Variants in CNTN3 observed in about 807,000 individuals in gnomAD.
CNTN3 encodes the protein contactin 3.
Under a neutral mutation model 119.1 loss-of-function variants are expected in CNTN3, and 60 were observed. The ratio of observed to expected loss-of-function variants is 0.50; its 90% confidence interval spans 0.41 to 0.62. The LOEUF is 0.62. Ranked by LOEUF, CNTN3 falls within the 20% of genes least tolerant of loss-of-function variation. CNTN3 has a pLI of 0.00. For synonymous variants in CNTN3, 450 were observed against 438.7 expected, an observed-to-expected ratio of 1.03 and a Z score of -0.32; for missense variants, 1,101 against 1,242.4, an observed-to-expected ratio of 0.89 and a Z score of 1.71.
At position 74,582,191 on chromosome 3, in the gene CNTN3, G is replaced by C. The variant is rs549342437; in HGVS notation, c.-81+32200C>G. Among the ~76,000 whole-genome samples, 219 of 152,254 alleles carry C rather than the reference G, an allele frequency of 1.4e-3. 2 individuals carry two copies. Among genetic ancestry groups the C allele is most frequent in the South Asian group, 2.3e-3 (11 of 4,820 alleles). The stretch of plus-strand genomic sequence containing the variant: ...GGAGGCAGAGGTGGATGGATCACAA[G>C]GTCAGGAGATGGGGAACATCCTGGC... On this transcript the variant is annotated intron_variant, in intron 1 of 22. Transcript: ENST00000263665.
chr3:74,581,755 T>C lies in CNTN3; in HGVS notation c.-81+32636A>G, dbSNP rs144274412. On this transcript the variant is annotated intron_variant, in intron 1 of 22. Transcript: ENST00000263665. ...AGACAGTGTAGAATTTGCATAAAGA[T>C]AGACAAATAGAGCAAGAAAAAAGAA... 3.1e-3 allele frequency among the ~76,000 whole-genome samples: 467 copies of C among 152,204 alleles called. 4 individuals are homozygous for C. Among genetic ancestry groups the C allele is most frequent in the African/African-American group, 0.011 (443 of 41,522 alleles).
At chr3:74,387,848 A>T (rs1266249716) in intron 5 of CNTN3, among the ~76,000 whole-genome samples, 1 of 152,228 alleles carries the variant, frequency 6.6e-6, no homozygotes, top group East Asian at 1.9e-4. Flanking sequence ...AAAGGTCTCC[A>T]TTCTACTTAA....
intron 2 of CNTN3, among the ~76,000 whole-genome samples, chr3:74,507,816 G>C (rs1703292388): frequency 6.6e-6 from 1 of 151,786 alleles, no homozygotes; most frequent in Non-Finnish European, 1.5e-5. Flanking sequence ...TATTTTAGTA[G>C]AGACTGGGTT....
At chr3:74,358,989 T>C (rs908154209) in intron 11 of CNTN3, among the ~76,000 whole-genome samples, 2 of 152,058 alleles carry the variant, frequency 1.3e-5, no homozygotes, top group Admixed American at 6.5e-5. Context: ...ATGTGCCACA[T>C]TTTCTTAATC....
At chr3:74,314,561 G>A (rs1702782778) in intron 13 of CNTN3, among the ~76,000 whole-genome samples, 1 of 152,140 alleles carries the variant, frequency 6.6e-6, no homozygotes, top group Non-Finnish European at 1.5e-5. Context: ...GGGCTAATGA[G>A]GGGCATTACA....
chr3:74,408,078 T>C (rs190588681), intron 5 of CNTN3, among the ~76,000 whole-genome samples: 7 of 152,294 alleles, frequency 4.6e-5, no homozygotes, highest in East Asian at 1.9e-4. Flanking sequence ...AGTCAGCTTA[T>C]AGCTCAGGGA....
chr3:74,302,165 G>A (rs1424345641), intron 14 of CNTN3, among the ~76,000 whole-genome samples: 1 of 151,984 alleles, frequency 6.6e-6, no homozygotes, highest in African/African-American at 2.4e-5. Context: ...TAATCCACTG[G>A]TGTATCTCTG....
chr3:74,308,465 T>C (rs1702608957), intron 13 of CNTN3, among the ~76,000 whole-genome samples: 1 of 152,204 alleles, frequency 6.6e-6, no homozygotes, highest in African/African-American at 2.4e-5. Flanking sequence ...GCTTGTTCCA[T>C]CATAAGTGTT....
At chr3:74,298,978 A>G (rs1702399749) in intron 17 of CNTN3, among the ~76,000 whole-genome samples, 1 of 151,976 alleles carries the variant, frequency 6.6e-6, no homozygotes, top group African/African-American at 2.4e-5. Context: ...AGGCCAAGGC[A>G]CCTCGATCAT....
At chr3:74,376,242 G>T (rs912230059) in intron 5 of CNTN3, among the ~76,000 whole-genome samples, 82 of 152,140 alleles carry the variant, frequency 5.4e-4, no homozygotes, top group African/African-American at 2.0e-3. Flanking sequence ...AAGCAGGGGT[G>T]CCCAATCCCC....
At chr3:74,319,252 C>G (rs2106665503) in intron 13 of CNTN3, among the ~76,000 whole-genome samples, 1 of 152,266 alleles carries the variant, frequency 6.6e-6, no homozygotes. Context: ...ATCACGCTAC[C>G]TGACTTCAAA....
chr3:74,452,658 C>T (rs79921183), intron 4 of CNTN3, among the ~76,000 whole-genome samples: 64,474 of 89,210 alleles, frequency 0.72, 24,650 homozygotes, highest in African/African-American at 0.81. Flanking sequence ...GGGTTTGTCA[C>T]AGATAGCTCT....
intron 11 of CNTN3, among the ~76,000 whole-genome samples, chr3:74,352,180 C>T (rs1703830906): frequency 6.6e-6 from 1 of 152,186 alleles, no homozygotes; most frequent in Admixed American, 6.5e-5. Context: ...AATAAATACC[C>T]AGTTTTGCTT....
intron 13 of CNTN3, among the ~76,000 whole-genome samples, chr3:74,320,184 G>C (rs9310293): frequency 0.038 from 5,738 of 152,138 alleles, 349 homozygotes; most frequent in African/African-American, 0.13. Flanking sequence ...ACCCAAAGGA[G>C]TATAAATCAT....
intron 4 of CNTN3, among the ~76,000 whole-genome samples, chr3:74,470,468 A>G (rs1702539484): frequency 6.6e-6 from 1 of 152,144 alleles, no homozygotes; most frequent in South Asian, 2.1e-4. Context: ...AATTATAAAA[A>G]GCTGCCTTCT....
rs538384202 is a variant in CNTN3 at position 74,298,050 on chromosome 3, G to C, written c.2308C>G (p.Pro770Ala). 6.2e-7 allele frequency: 1 copy of C among 1,613,934 alleles called. No individual in the cohort carries two copies. The change falls in exon 18 of 23, where the codon CCA (proline) becomes GCA (alanine). Residue 770 changes from proline to alanine, a missense_variant. Coordinates refer to ENST00000263665, the MANE Select transcript of CNTN3 (RefSeq NM_020872.3). Reference protein sequence around the residue: ...RYVFRNESIVPYSPYEVKVGV... With the variant: ...RYVFRNESIVAYSPYEVKVGV... Reference sequence around the variant, plus strand: ...ACTTTAACTTCATATGGTGAATATGGCACGATGCTTTCATTCCTAAAGACA... The same window carrying C: ...ACTTTAACTTCATATGGTGAATATGCCACGATGCTTTCATTCCTAAAGACA...
At chr3:74,426,940 T>C (rs1701704511) in intron 4 of CNTN3, among the ~76,000 whole-genome samples, 1 of 152,230 alleles carries the variant, frequency 6.6e-6, no homozygotes, top group South Asian at 2.1e-4. Flanking sequence ...TGTTATCTTC[T>C]GCCATACAAT....
chr3:74,295,381 C>T (rs1011106565), intron 18 of CNTN3, 145 bp from the exon 19 acceptor site: 2 of 531,610 alleles, frequency 3.8e-6, no homozygotes, highest in Non-Finnish European at 6.7e-6. Context: ...AAAATAGAGA[C>T]ACTGGTCCAT....
chr3:74,324,213 CTTCTTTT>C (rs2106681322), intron 13 of CNTN3, among the ~76,000 whole-genome samples: 1 of 144,638 alleles, frequency 6.9e-6, no homozygotes, highest in East Asian at 2.1e-4. Flanking sequence ...AACTCTTCTT[CTTCTTTT>C]TTTTTTTTTG....
Sources: allele counts gnomAD v4.1 joint callset (sites outside exome capture counted in the v4.1 genomes callset), GRCh38; gene constraint gnomAD v4.1.1; transcripts MANE v1.5; gene names NCBI Gene and HGNC (gene_info 2026-07-23, HGNC 2026-07-21).